Variants in USP7 observed in about 807,000 individuals in gnomAD.
USP7 encodes the protein ubiquitin specific peptidase 7.
A neutral mutation model predicts 162.9 loss-of-function variants in USP7; 9 were observed. The ratio of observed to expected loss-of-function variants is 0.06; its 90% CI spans 0.03 to 0.10. The LOEUF is 0.10. Among genes scored for constraint, USP7 ranks in the 10% least tolerant of loss-of-function variants. The probability of loss-of-function intolerance (pLI) is 1.00; values close to 1 mark genes in which losing one functional copy is unlikely to be tolerated. For synonymous variants in USP7, 562 were observed against 475.9 expected, an observed-to-expected ratio of 1.18 and a Z score of -2.35; for missense variants, 715 against 1,373.7, an observed-to-expected ratio of 0.52 and a Z score of 7.58.
At chr16:8,908,062 G>A (rs2061888408) in intron 12 of USP7, among the ~76,000 whole-genome samples, 1 of 152,172 alleles carries the variant, frequency 6.6e-6, no homozygotes, top group African/African-American at 2.4e-5. Context: ...AGCAGAAACA[G>A]CCCCATCCTT....
At chr16:8,962,605 G>A in intron 1 of USP7, 1 of 306,104 alleles carries the variant, frequency 3.3e-6, no homozygotes, top group East Asian at 8.8e-5. Flanking sequence ...CGAAAAACAG[G>A]TGGATTCGGA....
At position 8,930,279 on chromosome 16, in the gene USP7, C is replaced by A. The variant is rs371652598; in HGVS notation, c.184+14G>T. 1.8e-5 allele frequency: 29 copies of A among 1,603,122 alleles called. No individual in the cohort carries two copies. In the African/African-American group the frequency reaches 3.2e-4, roughly 18 times the overall value. The stretch of plus-strand genomic sequence containing the variant: ...TTTCCGCCCACTGCGAGGCGGTGAA[C>A]CACAGGCACTTACCATCCTCCATGT... On this transcript the variant is annotated intron_variant, in intron 2 of 30. Transcript: ENST00000344836.
At chr16:8,961,340 A>G (rs989745933) in intron 1 of USP7, among the ~76,000 whole-genome samples, 3 of 151,974 alleles carry the variant, frequency 2.0e-5, no homozygotes, top group African/African-American at 2.4e-5. Context: ...CAAAAATACA[A>G]AAGTAGCCAG....
chr16:8,903,199 T>A, intron 16 of USP7, 69 bp downstream of exon 16: 1 of 1,566,224 alleles, frequency 6.4e-7, no homozygotes, highest in Non-Finnish European at 8.7e-7. Context: ...ATCAGTATTT[T>A]CTAGTGACAC....
At position 8,925,500 on chromosome 16, in the gene USP7, T is replaced by C. The variant is rs1002600587; in HGVS notation, c.185-2087A>G. The stretch of plus-strand genomic sequence containing the variant: ...TTTATGTATACAAAATCAATACATA[T>C]TGTAAGTGCTTTTGGAACTTTCACC... On this transcript the variant is annotated intron_variant, in intron 2 of 30. Coordinates refer to ENST00000344836, the MANE Select transcript of USP7 (RefSeq NM_003470.3). 5.3e-5 allele frequency among the ~76,000 whole-genome samples: 8 copies of C among 152,342 alleles called. No individual in the cohort carries two copies. The East Asian group carries it at 1.5e-3, about 29-fold the overall frequency.
At chr16:8,925,874 G>A (rs1376188840) in intron 2 of USP7, among the ~76,000 whole-genome samples, 3 of 152,180 alleles carry the variant, frequency 2.0e-5, no homozygotes, top group Non-Finnish European at 2.9e-5. Context: ...CTTTTACTAG[G>A]CCAGGTGCGG....
chr16:8,916,072 C>G (rs78861615), intron 8 of USP7, among the ~76,000 whole-genome samples: 3 of 152,132 alleles, frequency 2.0e-5, no homozygotes, highest in African/African-American at 7.2e-5. Flanking sequence ...AGTGATGGCG[C>G]GGGGAGAGTA....
intron 2 of USP7, among the ~76,000 whole-genome samples, chr16:8,923,731 GTGGAGAGACCT>G (rs765136760): frequency 7.7e-4 from 117 of 152,342 alleles, no homozygotes; most frequent in Middle Eastern, 3.4e-3. Context: ...CACCAAGTGA[GTGGAGAGACCT>G]TGGAGAGAAG....
At chr16:8,963,177 G>A (rs1884174913) in intron 1 of USP7, 30 bp downstream of exon 1, 2 of 1,394,674 alleles carry the variant, frequency 1.4e-6, no homozygotes, top group Non-Finnish European at 9.4e-7. Flanking sequence ...GCGCCCCCCG[G>A]CCCCGCCGCG....
intron 12 of USP7, 39 bp downstream of exon 12, chr16:8,908,302 G>T: frequency 6.6e-7 from 1 of 1,511,534 alleles, no homozygotes; most frequent in South Asian, 1.1e-5. Context: ...AGACCAGCAT[G>T]ATGATGAAAT....
chr16:8,925,468 G>T (rs1486488050), intron 2 of USP7, among the ~76,000 whole-genome samples: 1 of 152,078 alleles, frequency 6.6e-6, no homozygotes, highest in East Asian at 1.9e-4. Flanking sequence ...TCTTTACAGG[G>T]TTTGATTTTA....
rs79003022 is a variant in USP7 at position 8,895,185 on chromosome 16, T to A, written c.2920-35A>T. 27,262 of 1,613,852 alleles carry A rather than the reference T, an allele frequency of 0.017. 280 individuals carry two copies. The highest frequency in any genetic ancestry group is 0.021 in the Non-Finnish European group (24,405 of 1,179,850). On this transcript the variant is annotated intron_variant, in intron 27 of 30. Transcript: ENST00000344836. ...CGGACAACAGACACAGTTCTGTAAG[T>A]GCAAGTGATGTGGTCAAAGTGTCCA...
chr16:8,897,698 CAA>C (rs55635828), intron 25 of USP7, among the ~76,000 whole-genome samples: 21 of 35,592 alleles, frequency 5.9e-4, no homozygotes, highest in East Asian at 1.2e-3. Context: ...CCTGTCTCTA[CAA>C]AAAAAAAAAA....
intron 3 of USP7, 136 bp from the exon 4 acceptor site, chr16:8,921,431 G>T: frequency 1.0e-6 from 1 of 1,000,696 alleles, no homozygotes; most frequent in Non-Finnish European, 1.4e-6. Flanking sequence ...GGGGTTAAAG[G>T]TAGGATGGAG....
chr16:8,932,061 T>A (rs780760921), intron 1 of USP7, among the ~76,000 whole-genome samples: 20 of 151,816 alleles, frequency 1.3e-4, no homozygotes, highest in Non-Finnish European at 2.9e-4. Flanking sequence ...CATGCTCACC[T>A]CCCCCTCCAA....
At chr16:8,933,526 A>G (rs1898495903) in intron 1 of USP7, among the ~76,000 whole-genome samples, 1 of 152,236 alleles carries the variant, frequency 6.6e-6, no homozygotes, top group African/African-American at 2.4e-5. Context: ...AAACAGCAGG[A>G]TACAGAAGAA....
At chr16:8,945,733 T>C (rs189605315) in intron 1 of USP7, among the ~76,000 whole-genome samples, 25 of 151,986 alleles carry the variant, frequency 1.6e-4, no homozygotes, top group East Asian at 9.7e-4. Flanking sequence ...CAATAAAAGA[T>C]TGAGTAGGTA....
intron 1 of USP7, among the ~76,000 whole-genome samples, chr16:8,936,064 C>T (rs75556177): frequency 0.023 from 3,508 of 152,254 alleles, 50 homozygotes; most frequent in Non-Finnish European, 0.036. Flanking sequence ...GGGCGGGGGT[C>T]GCGAACACAA....
Position 8,893,619 on chromosome 16 carries a change from T to C in USP7, c.*379A>G. On this transcript the variant is annotated 3_prime_UTR_variant, in exon 31 of 31. Transcript: ENST00000344836. ...GAGCCTAAACACAAGACTTGCTAGC[T>C]GCAGGGCTGGTGCACGGGACCCCAG... The C allele has an allele frequency of 4.5e-6, 1 of 221,314 alleles. No individual in the cohort carries two copies. The highest frequency in any genetic ancestry group is 5.0e-5 in the Admixed American group (1 of 19,858). The allele number at this position is 221,314 out of a possible 1,614,324, so 13.7% of individuals were successfully genotyped here. A position where few individuals can be genotyped will look rare whatever the true frequency, so the allele number is the denominator to read the frequency against.
Sources: allele counts gnomAD v4.1 joint callset (sites outside exome capture counted in the v4.1 genomes callset), GRCh38; gene constraint gnomAD v4.1.1; transcripts MANE v1.5; gene names NCBI Gene and HGNC (gene_info 2026-07-23, HGNC 2026-07-21).